The following POLR3A variants were observed in gnomAD, a reference collection of about 807,000 sequenced individuals.
POLR3A encodes the protein DNA-directed RNA polymerase III subunit RPC1.
In POLR3A, 112 loss-of-function variants were observed where a neutral mutation model predicts 152.8. That is an observed-to-expected ratio of 0.73 (90% confidence interval 0.63 to 0.86). The LOEUF (loss-of-function observed/expected upper bound fraction) is 0.86, where lower values mean the gene tolerates loss of function less well. Ranked by LOEUF, POLR3A falls within the 40% of genes least tolerant of loss-of-function variation. The pLI is 0.00. For synonymous variants in POLR3A, 615 were observed against 652.1 expected (o/e 0.94, Z 0.87); for missense variants, 1,385 against 1,743.1 (o/e 0.79, Z 3.66).
At chr10:78,020,491 T>TA (rs200766092) in intron 8 of POLR3A, among the ~76,000 whole-genome samples, 71 of 133,994 alleles carry the variant, frequency 5.3e-4, no homozygotes, top group Admixed American at 6.0e-4. Flanking sequence ...GTCTGTCTCT[T>TA]AAAAAAAAAA....
intron 11 of POLR3A, among the ~76,000 whole-genome samples, chr10:78,011,732 G>A (rs1028006759): frequency 6.6e-6 from 1 of 152,130 alleles, no homozygotes; most frequent in African/African-American, 2.4e-5. Context: ...AGGTCTCCTG[G>A]GTAATTTGGG....
intron 2 of POLR3A, 136 bp downstream of exon 2, chr10:78,025,958 G>A (rs1847630119): frequency 4.8e-6 from 6 of 1,244,874 alleles, no homozygotes; most frequent in Non-Finnish European, 6.9e-6. Context: ...AAAGGCCGGA[G>A]TTCTTGACCT....
At chr10:77,987,112 C>T (rs1847205478) in intron 21 of POLR3A, among the ~76,000 whole-genome samples, 1 of 152,114 alleles carries the variant, frequency 6.6e-6, no homozygotes, top group Non-Finnish European at 1.5e-5. Context: ...CGGTTAACAT[C>T]CTGCTCACAG....
intron 10 of POLR3A, among the ~76,000 whole-genome samples, chr10:78,016,713 C>CAAAA (rs140941978): frequency 1.3e-5 from 1 of 79,544 alleles, no homozygotes; most frequent in Non-Finnish European, 2.8e-5. Flanking sequence ...GACTCTGTCT[C>CAAAA]AAAAAAAAAA....
intron 8 of POLR3A, among the ~76,000 whole-genome samples, chr10:78,020,654 G>A (rs1847570504): frequency 6.6e-6 from 1 of 152,022 alleles, no homozygotes; most frequent in Non-Finnish European, 1.5e-5. Flanking sequence ...TGCGCATGGT[G>A]ATGGGCGCCT....
intron 9 of POLR3A, 30 bp downstream of exon 9, chr10:78,019,132 T>G (rs764557881): frequency 6.7e-7 from 1 of 1,488,526 alleles, no homozygotes; most frequent in South Asian, 1.1e-5. Flanking sequence ...GAGAAAGTAG[T>G]TAAATCCAAC....
chr10:78,019,121 T>C (rs1287379649), intron 9 of POLR3A, 41 bp downstream of exon 9: 2 of 1,335,024 alleles, frequency 1.5e-6, no homozygotes, highest in Admixed American at 1.7e-5. Context: ...AGCTTTGCCA[T>C]GAGAAAGTAG....
rs758975468 is a variant in POLR3A at position 78,029,387 on chromosome 10, C to G, written c.21G>C (p.Arg7=). The G allele has an allele frequency of 1.2e-5, 19 of 1,614,126 alleles. No homozygotes were observed. Among genetic ancestry groups the G allele is most frequent in the Non-Finnish European group, 1.5e-5 (18 of 1,180,022 alleles). The change falls in exon 1 of 31, where the codon CGG becomes CGC. Residue 7 remains arginine (R), a synonymous_variant. Transcript: ENST00000372371. ...ACATTTTCTTGGCCACATCCGTCTC[C>G]CGGAACTGCTCCTTCACCATGATGA... MVKEQF[R]ETDVAKKISH...
In POLR3A at chr10:77,978,786, G is replaced by A. The variant is rs535904791; in HGVS notation, c.4025-1160C>T. Among the ~76,000 whole-genome samples the A allele has an allele frequency of 4.0e-5, 6 of 150,500 alleles. No homozygotes were observed. The South Asian group carries it at 6.4e-4, about 16-fold the overall frequency. ...AGAGATTCTCCTGCCTCAGCCTCCCGAGTAGCTGGGATTACAGGTGCCTGC... is the reference window on the plus strand; with the variant it reads ...AGAGATTCTCCTGCCTCAGCCTCCCAAGTAGCTGGGATTACAGGTGCCTGC... On this transcript the variant is annotated intron_variant, in intron 30 of 30. Transcript: ENST00000372371.
intron 23 of POLR3A, 72 bp from the exon 24 acceptor site, chr10:77,985,412 T>C: frequency 5.9e-6 from 7 of 1,186,952 alleles, no homozygotes; most frequent in Non-Finnish European, 7.6e-6. Flanking sequence ...GGGGAGAGGC[T>C]TCTGGTTATC....
rs1275708856 is a variant in POLR3A, at chr10:78,002,306, T to C, written c.2250A>G (p.Ala750=). The change falls in exon 17 of 31, where the codon GCA becomes GCG. Residue 750 remains alanine, a splice_region_variant and synonymous_variant. Coordinates refer to ENST00000372371, the MANE Select transcript of POLR3A (RefSeq NM_007055.4). ...TCACAGACAGCTCCTTCAGGATCAG[T>C]GCCTAGTGGGAGAAAAGGAGATCCT... is the stretch of plus-strand genomic sequence containing the variant. ...PGCTAEETLE[A]LILKELSVIR... 3 of 1,585,468 alleles carry C rather than the reference T, an allele frequency of 1.9e-6. No homozygotes were observed. Among genetic ancestry groups the C allele is most frequent in the Non-Finnish European group, 2.6e-6 (3 of 1,162,902 alleles).
intron 3 of POLR3A, 114 bp from the exon 4 acceptor site, chr10:78,025,256 A>C: frequency 1.8e-6 from 2 of 1,088,826 alleles, no homozygotes; most frequent in East Asian, 2.4e-5. Flanking sequence ...ATATACACAG[A>C]TCTGCAAATG....
intron 15 of POLR3A, among the ~76,000 whole-genome samples, chr10:78,007,231 T>C (rs1847420255): frequency 6.6e-6 from 1 of 151,368 alleles, no homozygotes; most frequent in South Asian, 2.1e-4. Flanking sequence ...AGTATAAGAG[T>C]GGAATAAAGT....
intron 21 of POLR3A, among the ~76,000 whole-genome samples, chr10:77,988,830 G>A (rs1295935023): frequency 3.9e-5 from 6 of 152,314 alleles, no homozygotes; most frequent in Admixed American, 2.0e-4. Flanking sequence ...TGGCCCAGAT[G>A]TTGCCATTTG....
At position 77,984,187 on chromosome 10, in the gene POLR3A, A is replaced by T. The variant is rs1480145356; in HGVS notation, c.3336+18T>A. 5 of 1,520,796 alleles carry T rather than the reference A, an allele frequency of 3.3e-6. No individual in the cohort carries two copies. Among genetic ancestry groups the T allele is most frequent in the Non-Finnish European group, 4.6e-6 (5 of 1,095,170 alleles). 94.2% of individuals were successfully genotyped at this position (1,520,796 alleles called of 1,614,324 possible). On this transcript the variant is annotated intron_variant, in intron 25 of 30. Transcript: ENST00000372371. ...TGCTGAGCTAGTTTTCTTGTTATCA[A>T]TAGGGATTTCTTCTTACCTCTCCCA...
chr10:78,016,649 G>C (rs1447296977), intron 10 of POLR3A, among the ~76,000 whole-genome samples: 1 of 151,814 alleles, frequency 6.6e-6, no homozygotes, highest in African/African-American at 2.4e-5. Flanking sequence ...GGGAGGCAGA[G>C]GCTGCTGTGA....
chr10:78,009,027 C>T (rs1306967891), intron 14 of POLR3A, among the ~76,000 whole-genome samples: 2 of 151,474 alleles, frequency 1.3e-5, no homozygotes, highest in Non-Finnish European at 1.5e-5. Flanking sequence ...GTGGTGGGCG[C>T]CTGTAATCCA....
At position 78,013,739 on chromosome 10, in the gene POLR3A, G is replaced by T; in HGVS notation, c.1483C>A (p.Pro495Thr). The T allele has an allele frequency of 6.2e-7, 1 of 1,614,038 alleles. No individual in the cohort carries two copies. The highest frequency in any genetic ancestry group is 2.2e-5 in the East Asian group (1 of 44,886). Residue 495 changes from proline (P) to threonine (T), a missense_variant, in exon 11 of 31, where the codon CCC becomes ACC. Physicochemically the swap from Pro to Thr is conservative, Grantham distance 38 (BLOSUM62 -1). This residue lies in a region of POLR3A where 493 missense variants were observed against 647.5 expected (regional missense o/e 0.76). Coordinates refer to ENST00000372371, the MANE Select transcript of POLR3A (RefSeq NM_007055.4). ...TCACCATCAAAGTCAGCATTATAGG[G>T]TGTACAGACACACTCATTAAATCTG... ...TFRFNECVCTPYNADFDGDEM... is the reference protein window; with the variant it reads ...TFRFNECVCTTYNADFDGDEM...
At chr10:77,983,205 T>C (rs1185585616) in intron 26 of POLR3A, among the ~76,000 whole-genome samples, 1 of 152,176 alleles carries the variant, frequency 6.6e-6, no homozygotes, top group Non-Finnish European at 1.5e-5. Flanking sequence ...CGTTCCTGGA[T>C]ACAACTCATC....
Sources: allele counts gnomAD v4.1 joint callset (sites outside exome capture counted in the v4.1 genomes callset), GRCh38; gene constraint gnomAD v4.1.1; regional missense constraint gnomAD v4.1.1; transcripts MANE v1.5; gene names NCBI Gene and HGNC (gene_info 2026-07-23, HGNC 2026-07-21).